The following PRKCQ variants were observed in gnomAD, a reference collection of about 807,000 sequenced individuals.
PRKCQ encodes protein kinase C theta type.
In PRKCQ, 41 loss-of-function variants were observed where a neutral mutation model predicts 91.2. The ratio of observed to expected loss-of-function variants is 0.45; its 90% CI spans 0.35 to 0.58. The LOEUF (loss-of-function observed/expected upper bound fraction) is 0.58. PRKCQ is among the 20% of genes least tolerant of loss of function. The pLI, the probability that PRKCQ is intolerant of heterozygous loss-of-function variation, is 0.00. For synonymous variants in PRKCQ, 307 were observed against 316.9 expected (o/e 0.97, Z 0.33); for missense variants, 673 against 896.5 (o/e 0.75, Z 3.18).
intron 1 of PRKCQ, among the ~76,000 whole-genome samples, chr10:6,538,520 T>C (rs1211622012): frequency 2.0e-5 from 3 of 152,242 alleles, no homozygotes; most frequent in African/African-American, 7.2e-5. Context: ...GAAAAGCTTT[T>C]TCAAACCAAG....
intron 4 of PRKCQ, among the ~76,000 whole-genome samples, chr10:6,505,810 T>C (rs1055351122): frequency 5.9e-5 from 9 of 152,136 alleles, no homozygotes; most frequent in African/African-American, 2.4e-5. Context: ...CAACTCTGGC[T>C]AATTTTTGTA....
chr10:6,509,395 CTT>C (rs1159004045), intron 3 of PRKCQ, among the ~76,000 whole-genome samples: 1 of 151,812 alleles, frequency 6.6e-6, no homozygotes, highest in Non-Finnish European at 1.5e-5. Context: ...ATTGACGACT[CTT>C]TAAAAAAAAA....
At chr10:6,525,149 T>C (rs902755793) in intron 1 of PRKCQ, among the ~76,000 whole-genome samples, 44 of 112,030 alleles carry the variant, frequency 3.9e-4, no homozygotes, top group Non-Finnish European at 7.6e-4. Context: ...TTTTAAGTTC[T>C]TTTTTTTTTT....
chr10:6,560,271 T>C (rs1323742929), intron 1 of PRKCQ, among the ~76,000 whole-genome samples: 2 of 152,206 alleles, frequency 1.3e-5, no homozygotes, highest in East Asian at 3.8e-4. Context: ...TTTCAGGTGC[T>C]GGATAGAATA....
intron 16 of PRKCQ, among the ~76,000 whole-genome samples, chr10:6,435,999 A>G (rs1833680606): frequency 6.6e-6 from 1 of 152,218 alleles, no homozygotes; most frequent in Admixed American, 6.5e-5. Flanking sequence ...CTGTAGTCCC[A>G]GCTTCATGGA....
intron 13 of PRKCQ, among the ~76,000 whole-genome samples, 188 bp from the exon 14 acceptor site, chr10:6,462,553 C>T (rs2132327971): frequency 6.6e-6 from 1 of 152,274 alleles, no homozygotes; most frequent in East Asian, 1.9e-4. Flanking sequence ...GGCTCAGACA[C>T]CTCCAGCCTC....
At chr10:6,466,784 C>A (rs929883893) in intron 12 of PRKCQ, among the ~76,000 whole-genome samples, 10 of 152,114 alleles carry the variant, frequency 6.6e-5, no homozygotes, top group African/African-American at 2.4e-4. Flanking sequence ...CTCTGCAGAA[C>A]CGCAAGCAAA....
At chr10:6,569,575 T>C (rs1840959895) in intron 1 of PRKCQ, among the ~76,000 whole-genome samples, 1 of 152,040 alleles carries the variant, frequency 6.6e-6, no homozygotes, top group African/African-American at 2.4e-5. Flanking sequence ...TAACCACGGC[T>C]AGGGAGGAGG....
rs1023127115 is a variant in PRKCQ at position 6,464,351 on chromosome 10, G to A, written c.1407C>T (p.His469=). The A allele has an allele frequency of 1.8e-5, 29 of 1,613,830 alleles. No individual in the cohort carries two copies. Among genetic ancestry groups the A allele is most frequent in the East Asian group, 2.2e-5 (1 of 44,896 alleles). ...EYLNGGDLMY[H]IQSCHKFDLS... is the part of the protein sequence containing the mutation. ...GGTCGAACTTGTGGCAGCTTTGGAT[G>A]TGGTACATTAAGTCCCCTCCGTTGA... Residue 469 remains histidine (H), a synonymous_variant, in exon 13 of 18, where the codon CAC becomes CAT. Coordinates refer to ENST00000263125, the MANE Select transcript of PRKCQ (RefSeq NM_006257.5).
the PRKCQ span, among the ~76,000 whole-genome samples, chr10:6,420,296 T>G: frequency 7.9e-5 from 12 of 152,334 alleles, no homozygotes; most frequent in African/African-American, 2.9e-4. Context: ...ATCTGTGAGT[T>G]GGGCTTCTTC....
chr10:6,537,645 T>C (rs969715344), intron 1 of PRKCQ, among the ~76,000 whole-genome samples: 5 of 152,244 alleles, frequency 3.3e-5, no homozygotes, highest in Admixed American at 6.5e-5. Context: ...GAGTTGGTTA[T>C]GGTGAGATCT....
chr10:6,505,287 T>A (rs1838131832), intron 4 of PRKCQ, among the ~76,000 whole-genome samples: 1 of 152,238 alleles, frequency 6.6e-6, no homozygotes, highest in South Asian at 2.1e-4. Context: ...CTCATTCTAA[T>A]AAAATATTTA....
intron 11 of PRKCQ, 126 bp from the exon 12 acceptor site, chr10:6,479,291 A>G: frequency 9.5e-7 from 1 of 1,057,472 alleles, no homozygotes; most frequent in Non-Finnish European, 1.4e-6. Context: ...ACCCCCATCC[A>G]TCCTGCATAG....
intron 8 of PRKCQ, among the ~76,000 whole-genome samples, chr10:6,487,516 G>C (rs1361685756): frequency 6.6e-6 from 1 of 152,132 alleles, no homozygotes; most frequent in African/African-American, 2.4e-5. Flanking sequence ...GATCTATACA[G>C]GATTCTAGCT....
chr10:6,428,392 G>T, intron 17 of PRKCQ, 30 bp from the exon 18 acceptor site: 1 of 1,599,676 alleles, frequency 6.3e-7, no homozygotes, highest in South Asian at 1.1e-5. Flanking sequence ...AAGAAAGAAA[G>T]AGAAGAAAAA....
chr10:6,556,485 G>A (rs1265021177), intron 1 of PRKCQ, among the ~76,000 whole-genome samples: 1 of 150,568 alleles, frequency 6.6e-6, no homozygotes, highest in African/African-American at 2.4e-5. Context: ...ACCTGGAAGA[G>A]GCAAATTCAT....
At chr10:6,414,792 GAAA>G in the PRKCQ span, among the ~76,000 whole-genome samples, 2 of 138,610 alleles carry the variant, frequency 1.4e-5, no homozygotes, top group East Asian at 2.2e-4. Context: ...AAGTGATAAA[GAAA>G]AAAAAAAAAG....
intron 1 of PRKCQ, among the ~76,000 whole-genome samples, chr10:6,519,346 G>A (rs1032460288): frequency 6.6e-6 from 1 of 152,174 alleles, no homozygotes; most frequent in African/African-American, 2.4e-5. Context: ...GAGAGACCAA[G>A]ACAGTTGCCC....
intron 1 of PRKCQ, among the ~76,000 whole-genome samples, chr10:6,536,403 GTCT>G (rs1198000095): frequency 6.6e-6 from 1 of 152,210 alleles, no homozygotes; most frequent in African/African-American, 2.4e-5. Context: ...GATGTCCACT[GTCT>G]TCTTTCAGTC....
Sources: allele counts gnomAD v4.1 joint callset (sites outside exome capture counted in the v4.1 genomes callset), GRCh38; gene constraint gnomAD v4.1.1; transcripts MANE v1.5; gene names NCBI Gene and HGNC (gene_info 2026-07-23, HGNC 2026-07-21).